Variants in OPTC observed in about 807,000 individuals in gnomAD.
OPTC encodes oculoglycan.
Under a neutral mutation model 25.4 loss-of-function variants are expected in OPTC, and 22 were observed. That is an observed-to-expected ratio of 0.87 (90% CI 0.62 to 1.24). The LOEUF (loss-of-function observed/expected upper bound fraction) is 1.24. Among genes scored for constraint, OPTC ranks in the 50% most tolerant of loss-of-function variants. The pLI is 0.00. For synonymous variants in OPTC, 169 were observed against 179.3 expected (o/e 0.94, Z 0.46); for missense variants, 417 against 425.2 (o/e 0.98, Z 0.17).
In OPTC at chr1:203,502,920, G is replaced by A. The variant is rs779439867; in HGVS notation, c.739G>A (p.Glu247Lys). The A allele has an allele frequency of 3.1e-6, 5 of 1,613,742 alleles. No individual in the cohort carries two copies. In the African/African-American group the frequency reaches 4.0e-5, roughly 13 times the overall value. ...GIQPAAFRAM[E>K]KLQFLYLSDN... Reference sequence around the variant, plus strand: ...CTCTTTGCTTTCTCCACAGGCAATGGAGAAGCTGCAGTTCCTTTACCTGTC... The same window carrying A: ...CTCTTTGCTTTCTCCACAGGCAATGAAGAAGCTGCAGTTCCTTTACCTGTC... The change falls in exon 6 of 8, where the codon GAG becomes AAG. Residue 247 changes from glutamate (E) to lysine (K), a missense_variant. Physicochemically the swap from Glu to Lys is moderately conservative, Grantham distance 56. Coordinates refer to ENST00000367222, the MANE Select transcript of OPTC (RefSeq NM_014359.4).
chr1:203,505,462 G>A (rs1661465328), intron 7 of OPTC, among the ~76,000 whole-genome samples: 2 of 152,202 alleles, frequency 1.3e-5, no homozygotes, highest in African/African-American at 4.8e-5. Flanking sequence ...GGTGGTCCCC[G>A]AGTCTGGAGG....
chr1:203,502,421 T>A (rs1315579171), intron 5 of OPTC, among the ~76,000 whole-genome samples: 2 of 152,174 alleles, frequency 1.3e-5, no homozygotes, highest in Non-Finnish European at 2.9e-5. Flanking sequence ...GTGAGAGGCA[T>A]GAGGCTTAGG....
chr1:203,495,511 C>G (rs181856286), intron 1 of OPTC, among the ~76,000 whole-genome samples: 39 of 152,218 alleles, frequency 2.6e-4, no homozygotes, highest in African/African-American at 8.7e-4. Flanking sequence ...AATGAAACTT[C>G]GTCTCAAAAA....
At chr1:203,504,374 T>C (rs1661443255) in intron 7 of OPTC, among the ~76,000 whole-genome samples, 1 of 152,206 alleles carries the variant, frequency 6.6e-6, no homozygotes, top group African/African-American at 2.4e-5. Context: ...TAGATAATGG[T>C]GTGCTACTGG....
intron 7 of OPTC, among the ~76,000 whole-genome samples, chr1:203,507,351 G>A (rs1661510279): frequency 6.6e-6 from 1 of 152,218 alleles, no homozygotes; most frequent in African/African-American, 2.4e-5. Context: ...AGTGAGAGGA[G>A]GGGCTGTGGG....
intron 5 of OPTC, 139 bp downstream of exon 5, chr1:203,499,990 C>A: frequency 1.4e-6 from 1 of 726,616 alleles, no homozygotes; most frequent in Non-Finnish European, 2.4e-6. Flanking sequence ...CCATCACCCA[C>A]CTCTACCACC....
chr1:203,505,700 G>A (rs1661469264), intron 7 of OPTC, among the ~76,000 whole-genome samples: 1 of 152,240 alleles, frequency 6.6e-6, no homozygotes, highest in Non-Finnish European at 1.5e-5. Flanking sequence ...CAGACTGGCA[G>A]TGGGAAGTCT....
chr1:203,506,517 G>A (rs1017603405), intron 7 of OPTC, among the ~76,000 whole-genome samples: 1 of 151,936 alleles, frequency 6.6e-6, no homozygotes, highest in Non-Finnish European at 1.5e-5. Context: ...GGGGCTTTTG[G>A]GTACTGGAAG....
At chr1:203,497,175 C>A in intron 3 of OPTC, 60 bp downstream of exon 3, 1 of 1,592,220 alleles carries the variant, frequency 6.3e-7, no homozygotes, top group Non-Finnish European at 8.6e-7. Flanking sequence ...AGCTATGACC[C>A]AGCACCAGGG....
chr1:203,498,538 A>G (rs1661314347), intron 3 of OPTC, 143 bp from the exon 4 acceptor site: 2 of 915,222 alleles, frequency 2.2e-6, no homozygotes, highest in Non-Finnish European at 3.6e-6. Flanking sequence ...CACCGTGTAC[A>G]TGGTGCCCGT....
chr1:203,494,765 T>G (rs1661251686), intron 1 of OPTC, among the ~76,000 whole-genome samples: 1 of 152,230 alleles, frequency 6.6e-6, no homozygotes, highest in Non-Finnish European at 1.5e-5. Context: ...AAGCCTACAC[T>G]GGGTATGACT....
At chr1:203,508,244 G>T (rs916388176) in intron 7 of OPTC, among the ~76,000 whole-genome samples, 2 of 152,116 alleles carry the variant, frequency 1.3e-5, no homozygotes, top group Admixed American at 1.3e-4. Context: ...CCCCTACCAC[G>T]TCCCCCCAAA....
chr1:203,502,678 G>A (rs982155669), intron 5 of OPTC, among the ~76,000 whole-genome samples: 8 of 152,182 alleles, frequency 5.3e-5, no homozygotes, highest in African/African-American at 1.9e-4. Context: ...TACTTCAGTG[G>A]CTGGCACCTC....
chr1:203,500,718 T>C (rs750844753), intron 5 of OPTC, among the ~76,000 whole-genome samples: 2 of 152,168 alleles, frequency 1.3e-5, no homozygotes, highest in Non-Finnish European at 2.9e-5. Context: ...AAGCCTCCAA[T>C]AAGCATTTCT....
At chr1:203,506,145 C>CTTTTTTTTTTTTTTTTTTTTTT (rs78639556) in intron 7 of OPTC, among the ~76,000 whole-genome samples, 1 of 89,464 alleles carries the variant, frequency 1.1e-5, no homozygotes. Context: ...ATCCAATTTT[C>CTTTTTTTTTTTTTTTTTTTTTT]TTTTTTCTTT....
intron 7 of OPTC, among the ~76,000 whole-genome samples, chr1:203,506,197 G>C (rs569449699): frequency 1.8e-4 from 27 of 148,170 alleles, no homozygotes; most frequent in East Asian, 1.6e-3. Context: ...TGTTGCCCAG[G>C]GGGGAGTGCA....
In OPTC at chr1:203,503,547, C is replaced by CAGAATAACCTGAT; in HGVS notation, c.830_842dup. 6.2e-7 allele frequency: 1 copy of CAGAATAACCTGAT among 1,613,294 alleles called. No individual in the cohort carries two copies. Among genetic ancestry groups the CAGAATAACCTGAT allele is most frequent in the Non-Finnish European group, 8.5e-7 (1 of 1,179,994 alleles). ...AGGCTCAGCTGGTATGTGTTCTTCC[C>CAGAATAACCTGAT]AGAATAACCTGATAGAGACCATGCA... On this transcript the variant is annotated splice_polypyrimidine_tract_variant and splice_region_variant and intron_variant, in intron 6 of 7. Coordinates refer to ENST00000367222, the MANE Select transcript of OPTC (RefSeq NM_014359.4).
At chr1:203,506,701 G>A (rs1661495494) in intron 7 of OPTC, among the ~76,000 whole-genome samples, 1 of 152,194 alleles carries the variant, frequency 6.6e-6, no homozygotes, top group African/African-American at 2.4e-5. Flanking sequence ...AAAAACCCTA[G>A]TGAGTAGGGA....
chr1:203,502,085 G>A (rs1661399815), intron 5 of OPTC, among the ~76,000 whole-genome samples: 1 of 152,082 alleles, frequency 6.6e-6, no homozygotes, highest in South Asian at 2.1e-4. Flanking sequence ...GCTGCTGGAG[G>A]GTTAAATAAG....
Sources: allele counts gnomAD v4.1 joint callset (sites outside exome capture counted in the v4.1 genomes callset), GRCh38; gene constraint gnomAD v4.1.1; transcripts MANE v1.5; gene names NCBI Gene and HGNC (gene_info 2026-07-23, HGNC 2026-07-21).